The following LMOD1 variants were observed in gnomAD, a reference collection of about 807,000 sequenced individuals.
LMOD1 encodes leiomodin 1, also known as leiomodin-1.
LMOD1 carries 8 observed loss-of-function variants against 36.5 expected under a neutral mutation model. That is an observed-to-expected ratio of 0.22 (90% CI 0.13 to 0.40). The LOEUF is 0.40. Ranked by LOEUF, LMOD1 falls within the 10% of genes least tolerant of loss-of-function variation. The probability of loss-of-function intolerance (pLI) is 1.00; values close to 1 mark genes in which losing one functional copy is unlikely to be tolerated. For missense variants in LMOD1, 630 were observed against 751.1 expected, an observed-to-expected ratio of 0.84 and a Z score of 1.88; for synonymous variants, 284 against 288.7, an observed-to-expected ratio of 0.98 and a Z score of 0.17.
chr1:201,921,030 C>T (rs974961964), intron 1 of LMOD1, among the ~76,000 whole-genome samples: 14 of 151,974 alleles, frequency 9.2e-5, no homozygotes, highest in African/African-American at 2.2e-4. Context: ...TGGACAATGC[C>T]GAGGAGAAGT....
chr1:201,916,463 C>G (rs1050653585), intron 1 of LMOD1, among the ~76,000 whole-genome samples: 1 of 151,870 alleles, frequency 6.6e-6, no homozygotes, highest in Non-Finnish European at 1.5e-5. Flanking sequence ...TGCAGTGAGC[C>G]GTGATCATGC....
At position 201,900,300 on chromosome 1, in the gene LMOD1, T is replaced by C; in HGVS notation, c.713A>G (p.Lys238Arg). The change falls in exon 2 of 3, where the codon AAG becomes AGG. Residue 238 changes from lysine (K) to arginine (R), a missense_variant. By Grantham distance (26) the Lys-to-Arg change is conservative. This residue lies in a region of LMOD1 where 405 missense variants were observed against 400.6 expected (regional missense o/e 1.01). Coordinates refer to ENST00000367288, the MANE Select transcript of LMOD1 (RefSeq NM_012134.3). ...TGTGTTCCCACCTGCTCTTTTCATC[T>C]TCTCACCCTCTTTTCTGGTGTCTGT... is the stretch of plus-strand genomic sequence containing the variant. ...RNTDTRKEGE[K>R]MKRAGGNTDM... The C allele has an allele frequency of 1.9e-6, 3 of 1,606,818 alleles. No individual in the cohort carries two copies. Among genetic ancestry groups the C allele is most frequent in the Non-Finnish European group, 2.6e-6 (3 of 1,176,070 alleles).
At chr1:201,903,059 T>C (rs1681357393) in intron 1 of LMOD1, among the ~76,000 whole-genome samples, 1 of 152,112 alleles carries the variant, frequency 6.6e-6, no homozygotes, top group African/African-American at 2.4e-5. Flanking sequence ...CAGGTTGGGG[T>C]GTGGGGAGAG....
At chr1:201,903,554 G>T (rs1681364129) in intron 1 of LMOD1, among the ~76,000 whole-genome samples, 1 of 152,234 alleles carries the variant, frequency 6.6e-6, no homozygotes, top group Non-Finnish European at 1.5e-5. Flanking sequence ...TATGCAAATA[G>T]AATGGAAACA....
chr1:201,935,254 C>T (rs986485120), intron 1 of LMOD1, among the ~76,000 whole-genome samples: 1 of 151,516 alleles, frequency 6.6e-6, no homozygotes, highest in South Asian at 2.1e-4. Flanking sequence ...CTGGCTGACG[C>T]ATTGGGGGAA....
At chr1:201,906,995 G>A (rs1681422895) in intron 1 of LMOD1, among the ~76,000 whole-genome samples, 1 of 152,242 alleles carries the variant, frequency 6.6e-6, no homozygotes, top group Admixed American at 6.5e-5. Context: ...TTGGTGGAAT[G>A]TGGAGCAGGA....
chr1:201,913,726 AG>A (rs1681552686), intron 1 of LMOD1, among the ~76,000 whole-genome samples: 1 of 152,194 alleles, frequency 6.6e-6, no homozygotes, highest in East Asian at 1.9e-4. Context: ...GGCAAGAGTG[AG>A]GCTTAAGCCC....
intron 1 of LMOD1, among the ~76,000 whole-genome samples, chr1:201,909,986 C>T (rs1681467760): frequency 6.6e-6 from 1 of 152,194 alleles, no homozygotes; most frequent in Admixed American, 6.5e-5. Flanking sequence ...CCCTTCACCC[C>T]CAGCCACCCA....
In LMOD1 at chr1:201,901,528, A is replaced by G. The variant is rs570261564; in HGVS notation, c.262-777T>C. On this transcript the variant is annotated intron_variant, in intron 1 of 2. Transcript: ENST00000367288. ...AAAAAAAAAATATATATATATATATATGTATATATATATATATATATATAC... is the reference window on the plus strand; with the variant it reads ...AAAAAAAAAATATATATATATATATGTGTATATATATATATATATATATAC... Among the ~76,000 whole-genome samples the G allele has an allele frequency of 5.4e-4, 22 of 41,106 alleles. 1 individual carries two copies. Among genetic ancestry groups the G allele is most frequent in the Non-Finnish European group, 6.1e-4 (15 of 24,448 alleles). The allele number at this position is 41,106 out of a possible 152,430, so 27.0% of individuals were successfully genotyped here.
chr1:201,944,272 G>A (rs940640207), intron 1 of LMOD1, among the ~76,000 whole-genome samples: 2 of 152,204 alleles, frequency 1.3e-5, no homozygotes, highest in Non-Finnish European at 2.9e-5. Context: ...ACTTGTCACG[G>A]TATTAACTGG....
chr1:201,913,649 C>T (rs374573786), intron 1 of LMOD1, among the ~76,000 whole-genome samples: 22 of 152,210 alleles, frequency 1.4e-4, no homozygotes, highest in Non-Finnish European at 2.6e-4. Flanking sequence ...GGACAAGGCT[C>T]GCCTCCTTAA....
chr1:201,940,561 G>A (rs1388280547), intron 1 of LMOD1, among the ~76,000 whole-genome samples: 2 of 150,738 alleles, frequency 1.3e-5, no homozygotes, highest in African/African-American at 4.9e-5. Flanking sequence ...GTGGGAGCAG[G>A]CACTAATGCC....
intron 1 of LMOD1, among the ~76,000 whole-genome samples, chr1:201,925,562 G>A (rs1681815090): frequency 6.6e-6 from 1 of 152,004 alleles, no homozygotes; most frequent in South Asian, 2.1e-4. Context: ...GTATTGGTGT[G>A]GAATGTTTTT....
intron 1 of LMOD1, 41 bp from the exon 2 acceptor site, chr1:201,900,792 T>C (rs1681288094): frequency 8.5e-6 from 13 of 1,527,670 alleles, no homozygotes; most frequent in South Asian, 1.3e-5. Flanking sequence ...AAAAGCTGGC[T>C]ACAGAGGGAG....
intron 1 of LMOD1, among the ~76,000 whole-genome samples, chr1:201,938,131 CTTT>C (rs200629884): frequency 2.2e-5 from 3 of 139,392 alleles, no homozygotes; most frequent in Admixed American, 7.2e-5. Context: ...TTGTAATTTC[CTTT>C]TTTTTTTTTT....
At chr1:201,901,196 C>T (rs910141115) in intron 1 of LMOD1, among the ~76,000 whole-genome samples, 2 of 151,960 alleles carry the variant, frequency 1.3e-5, no homozygotes, top group East Asian at 1.9e-4. Context: ...TTTTTGCATT[C>T]GTTTTATTTT....
chr1:201,923,531 G>A (rs1681741126), intron 1 of LMOD1, among the ~76,000 whole-genome samples: 1 of 151,986 alleles, frequency 6.6e-6, no homozygotes, highest in African/African-American at 2.4e-5. Context: ...GATCAGCCTG[G>A]ACAACATAGT....
At position 201,918,096 on chromosome 1, in the gene LMOD1, C is replaced by T. The variant is rs1407158292; in HGVS notation, c.262-17345G>A. ...TGCAAATTCTGTAGCCAGTCCTAGG[C>T]CTAAGAGGCCAGGGATCAGGGATGG... On this transcript the variant is annotated intron_variant, in intron 1 of 2. Transcript: ENST00000367288. Among the ~76,000 whole-genome samples, 3 of 152,338 alleles carry T rather than the reference C, an allele frequency of 2.0e-5. No individual in the cohort carries two copies. The East Asian group carries it at 5.8e-4, about 29-fold the overall frequency.
At chr1:201,933,844 A>G (rs1469784222) in intron 1 of LMOD1, among the ~76,000 whole-genome samples, 1 of 152,156 alleles carries the variant, frequency 6.6e-6, no homozygotes, top group African/African-American at 2.4e-5. Context: ...AAATATGGAC[A>G]AGGCAATAAA....
Sources: gnomAD v4.1 joint callset for allele counts (sites outside exome capture counted in the v4.1 genomes callset) on GRCh38, gnomAD v4.1.1 for gene constraint, gnomAD v4.1.1 regional missense constraint, MANE v1.5 for transcripts, NCBI Gene and HGNC (gene_info 2026-07-23, HGNC 2026-07-21) for gene names.